The following AFF3 variants were observed in gnomAD, a reference collection of about 807,000 sequenced individuals.
The protein encoded by AFF3 is ALF transcription elongation factor 3, also known as AF4/FMR2 family member 3.
Under a neutral mutation model 129.7 loss-of-function variants are expected in AFF3, and 32 were observed. The observed-to-expected ratio is 0.25, with a 90% CI of 0.19 to 0.33. The LOEUF is 0.33. Ranked by LOEUF, AFF3 falls within the 10% of genes least tolerant of loss-of-function variation. AFF3 has a pLI of 1.00. For missense variants in AFF3, 1,373 were observed against 1,592.0 expected (o/e 0.86, Z 2.34); for synonymous variants, 644 against 635.4 (o/e 1.01, Z -0.20).
At chr2:99,750,095 C>G (rs1681504796) in intron 9 of AFF3, among the ~76,000 whole-genome samples, 1 of 152,056 alleles carries the variant, frequency 6.6e-6, no homozygotes. Context: ...TCTTTTTTCT[C>G]TGACATAAAA....
intron 7 of AFF3, among the ~76,000 whole-genome samples, chr2:99,918,414 C>T (rs1695627970): frequency 6.6e-6 from 1 of 152,134 alleles, no homozygotes; most frequent in Non-Finnish European, 1.5e-5. Flanking sequence ...AAAACATGTT[C>T]ATTACCCTAT....
chr2:99,613,517 T>A (rs959484578), intron 13 of AFF3, among the ~76,000 whole-genome samples: 4 of 152,214 alleles, frequency 2.6e-5, no homozygotes, highest in Non-Finnish European at 5.9e-5. Context: ...AAAAGTTATA[T>A]AATGTTCTCT....
chr2:99,859,192 A>G (rs905553960), intron 7 of AFF3, among the ~76,000 whole-genome samples: 1 of 152,218 alleles, frequency 6.6e-6, no homozygotes, highest in Admixed American at 6.5e-5. Flanking sequence ...CAGTCTTTCA[A>G]GATTTTCCTG....
At chr2:99,707,714 CT>C in intron 11 of AFF3, 2 of 741,258 alleles carry the variant, frequency 2.7e-6, no homozygotes, top group Non-Finnish European at 3.2e-6. Flanking sequence ...TTTTTTTTTT[CT>C]TTTTTTGGCC....
chr2:99,551,175 TG>T lies in AFF3; in HGVS notation c.*298del. On this transcript the variant is annotated 3_prime_UTR_variant, in exon 25 of 25. Coordinates refer to ENST00000672756, the MANE Select transcript of AFF3 (RefSeq NM_001386135.1). ...TACGGTGTGTGTGTGTGTGTGTGTG[TG>T]TGTGTGTACTTCCTCTAGTCAGAAA... The T allele has an allele frequency of 1.9e-6, 1 of 534,872 alleles. No homozygotes were observed. Among genetic ancestry groups the T allele is most frequent in the East Asian group, 2.8e-5 (1 of 35,852 alleles). The allele number at this position is 534,872 out of a possible 1,614,324, so 33.1% of individuals were successfully genotyped here.
chr2:99,809,944 A>G (rs1466975258), intron 8 of AFF3, among the ~76,000 whole-genome samples: 2 of 152,210 alleles, frequency 1.3e-5, no homozygotes, highest in Non-Finnish European at 2.9e-5. Flanking sequence ...CTGATGGACA[A>G]CTTGTGGGTA....
intron 2 of AFF3, among the ~76,000 whole-genome samples, chr2:100,118,951 C>A (rs1430081586): frequency 6.6e-6 from 1 of 152,106 alleles, no homozygotes; most frequent in Non-Finnish European, 1.5e-5. Flanking sequence ...CAGGCGTGCG[C>A]CACCACACCC....
rs539431122 is a variant in AFF3 at position 99,753,511 on chromosome 2, C to T, written c.922-1210G>A. Among the ~76,000 whole-genome samples, 5 of 152,278 alleles carry T rather than the reference C, an allele frequency of 3.3e-5. No homozygotes were observed. The South Asian group carries it at 1.0e-3, about 32-fold the overall frequency. On this transcript the variant is annotated intron_variant, in intron 8 of 24. Transcript: ENST00000672756. ...TCTCTCGCTCGAGGTGAGGACATTT[C>T]CTTACCTCCCTTTGGCGGGTGGGTG... is the stretch of plus-strand genomic sequence containing the variant.
intron 7 of AFF3, among the ~76,000 whole-genome samples, chr2:99,964,754 G>A (rs960405200): frequency 6.6e-6 from 1 of 152,120 alleles, no homozygotes; most frequent in Non-Finnish European, 1.5e-5. Flanking sequence ...GATTTATTTA[G>A]GATTTATTCC....
chr2:99,959,451 T>C (rs1036134195), intron 7 of AFF3, among the ~76,000 whole-genome samples: 3 of 146,476 alleles, frequency 2.0e-5, no homozygotes, highest in South Asian at 4.3e-4. Flanking sequence ...GGCTGGAAAA[T>C]AGGGCTTGAC....
chr2:99,962,128 T>C (rs907059313), intron 7 of AFF3, among the ~76,000 whole-genome samples: 7 of 152,262 alleles, frequency 4.6e-5, no homozygotes, highest in Admixed American at 4.6e-4. Context: ...TTCCTTCTTA[T>C]AGGCTACATA....
At chr2:99,656,538 A>G (rs1003354817) in intron 12 of AFF3, among the ~76,000 whole-genome samples, 1 of 152,208 alleles carries the variant, frequency 6.6e-6, no homozygotes, top group African/African-American at 2.4e-5. Flanking sequence ...TAGAAGTTCT[A>G]TTTGTAAAGC....
Position 99,966,413 on chromosome 2 carries a change from G to A in AFF3, c.873+40219C>T, listed in dbSNP as rs543424060. ...GGTTTTAAAAGAAAATGAAGAGGCCGGGCGCGGTGGCTCACGCCTGTAATC... is the reference window on the plus strand; with the variant it reads ...GGTTTTAAAAGAAAATGAAGAGGCCAGGCGCGGTGGCTCACGCCTGTAATC... On this transcript the variant is annotated intron_variant, in intron 7 of 24. Transcript: ENST00000672756. 1.4e-4 allele frequency among the ~76,000 whole-genome samples: 21 copies of A among 152,156 alleles called. No homozygotes were observed. The East Asian group carries it at 3.3e-3, about 24-fold the overall frequency.
At position 100,005,246 on chromosome 2, in the gene AFF3, T is replaced by G. The variant is rs548190847; in HGVS notation, c.873+1386A>C. Among the ~76,000 whole-genome samples the G allele has an allele frequency of 7.9e-5, 12 of 152,382 alleles. No individual in the cohort carries two copies. In the South Asian group the frequency reaches 2.5e-3, roughly 32 times the overall value. ...TACTGGCAATCAAAAATTCATCTTT[T>G]TTTGTTTTAACTAGAGTTTTATGAA... On this transcript the variant is annotated intron_variant, in intron 7 of 24. Transcript: ENST00000672756.
At chr2:99,606,643 C>A (rs141484019) in intron 13 of AFF3, among the ~76,000 whole-genome samples, 2 of 151,884 alleles carry the variant, frequency 1.3e-5, no homozygotes, top group African/African-American at 4.8e-5. Context: ...TCAGGACGGG[C>A]GCGGTGGCTC....
At chr2:99,962,721 G>GA (rs1171035406) in intron 7 of AFF3, among the ~76,000 whole-genome samples, 1 of 151,422 alleles carries the variant, frequency 6.6e-6, no homozygotes, top group African/African-American at 2.4e-5. Flanking sequence ...AAACAGTAGA[G>GA]AAAAAATACA....
chr2:100,049,882 A>C (rs554219911), intron 4 of AFF3, among the ~76,000 whole-genome samples: 1 of 152,300 alleles, frequency 6.6e-6, no homozygotes, highest in South Asian at 2.1e-4. Context: ...CCTATTCTGA[A>C]TGTAAGCTTT....
chr2:99,662,889 C>T (rs528283346), intron 12 of AFF3, among the ~76,000 whole-genome samples: 1 of 152,276 alleles, frequency 6.6e-6, no homozygotes, highest in African/African-American at 2.4e-5. Flanking sequence ...GCCACAAATC[C>T]CAGACAAGCA....
At chr2:100,034,357 C>T (rs912337359) in intron 4 of AFF3, among the ~76,000 whole-genome samples, 1 of 151,966 alleles carries the variant, frequency 6.6e-6, no homozygotes. Context: ...GACTTAAATG[C>T]AAAAATAAAA....
Sources: allele counts gnomAD v4.1 joint callset (sites outside exome capture counted in the v4.1 genomes callset), GRCh38; gene constraint gnomAD v4.1.1; transcripts MANE v1.5; gene names NCBI Gene and HGNC (gene_info 2026-07-23, HGNC 2026-07-21).